ANO4: variants seen among roughly 807,000 people sequenced by gnomAD.
ANO4 encodes anoctamin-4.
A neutral mutation model predicts 141.9 loss-of-function variants in ANO4; 69 were observed. The observed-to-expected ratio is 0.49, with a 90% confidence interval of 0.40 to 0.59. The LOEUF (loss-of-function observed/expected upper bound fraction) is 0.59. Ranked by LOEUF, ANO4 falls within the 20% of genes least tolerant of loss-of-function variation. ANO4 has a pLI of 0.00. For missense variants in ANO4, 894 were observed against 1,162.2 expected (o/e 0.77, Z 3.36); for synonymous variants, 350 against 394.3 (o/e 0.89, Z 1.33).
intron 8 of ANO4, among the ~76,000 whole-genome samples, chr12:100,994,295 GAATT>G (rs986150597): frequency 5.9e-5 from 9 of 152,146 alleles, no homozygotes; most frequent in African/African-American, 1.9e-4. Flanking sequence ...GTCCATTTAA[GAATT>G]AATTTATCTC....
At chr12:100,734,324 G>C (rs1345718900) in intron 2 of ANO4, among the ~76,000 whole-genome samples, 2 of 152,174 alleles carry the variant, frequency 1.3e-5, no homozygotes, top group Non-Finnish European at 2.9e-5. Flanking sequence ...CTTTCTCCTT[G>C]TTATGCTCAC....
At chr12:100,971,429 C>G in intron 6 of ANO4, 23 bp downstream of exon 6, 2 of 1,472,042 alleles carry the variant, frequency 1.4e-6, no homozygotes, top group South Asian at 1.2e-5. Context: ...GTATTTTATT[C>G]CACTCTCTCT....
chr12:100,752,603 T>G (rs1201531863), intron 3 of ANO4, among the ~76,000 whole-genome samples: 1 of 152,172 alleles, frequency 6.6e-6, no homozygotes, highest in East Asian at 1.9e-4. Context: ...CGCAATCTTT[T>G]TTTAATGTGT....
intron 1 of ANO4, among the ~76,000 whole-genome samples, chr12:100,873,041 C>G (rs1474483322): frequency 6.6e-6 from 1 of 152,116 alleles, no homozygotes; most frequent in Non-Finnish European, 1.5e-5. Flanking sequence ...CACATAAGAC[C>G]ATGCCTGCTT....
chr12:100,734,701 AT>A (rs2031531118), intron 2 of ANO4, among the ~76,000 whole-genome samples: 1 of 152,144 alleles, frequency 6.6e-6, no homozygotes, highest in Non-Finnish European at 1.5e-5. Flanking sequence ...TAAATCCTAT[AT>A]ACTCTTAAAC....
rs149796199 is a variant in ANO4, at chr12:100,981,437, GGGAA to G, written c.603-6080_603-6077del. 9.0e-3 allele frequency among the ~76,000 whole-genome samples: 1,351 copies of G among 150,458 alleles called. 22 individuals are homozygous for G. Among genetic ancestry groups the G allele is most frequent in the East Asian group, 0.075 (381 of 5,086 alleles). On this transcript the variant is annotated intron_variant, in intron 7 of 27. Transcript: ENST00000392977. The stretch of plus-strand genomic sequence containing the variant: ...TGTGCTACTGAAAGAAAGAAAAGGA[GGGAA>G]GGAAGGAAGGAAGGAAGGAAGAAAG...
At chr12:100,888,857 T>C (rs1334042075) in intron 1 of ANO4, among the ~76,000 whole-genome samples, 1 of 151,476 alleles carries the variant, frequency 6.6e-6, no homozygotes, top group Non-Finnish European at 1.5e-5. Context: ...TTTTTTTTCT[T>C]TTTATAGGTA....
chr12:100,952,014 C>A (rs1236396066), intron 5 of ANO4, among the ~76,000 whole-genome samples: 1 of 152,012 alleles, frequency 6.6e-6, no homozygotes, highest in African/African-American at 2.4e-5. Flanking sequence ...AGGAATCATC[C>A]CTAGCTGAGA....
chr12:101,107,020 C>T (rs2050476327), intron 22 of ANO4, among the ~76,000 whole-genome samples: 1 of 151,980 alleles, frequency 6.6e-6, no homozygotes, highest in Non-Finnish European at 1.5e-5. Context: ...GATAATGAAA[C>T]TCATTAGGTG....
intron 9 of ANO4, among the ~76,000 whole-genome samples, chr12:101,026,432 A>G (rs1240973147): frequency 6.6e-6 from 1 of 152,218 alleles, no homozygotes; most frequent in Non-Finnish European, 1.5e-5. Context: ...AAGACTCAAT[A>G]TTGTTAAGAG....
At chr12:101,078,503 G>C (rs1016875839) in intron 14 of ANO4, among the ~76,000 whole-genome samples, 3 of 152,166 alleles carry the variant, frequency 2.0e-5, no homozygotes, top group Non-Finnish European at 4.4e-5. Flanking sequence ...TACCTTGGCT[G>C]AATGAAGATA....
chr12:100,942,565 T>C (rs1250710140), intron 5 of ANO4, 30 bp downstream of exon 5: 2 of 1,601,494 alleles, frequency 1.2e-6, no homozygotes, highest in African/African-American at 1.3e-5. Context: ...GAGAAAAAAA[T>C]ATATACATAT....
At chr12:100,717,487 G>C (rs1207395406), upstream of ANO4, 1 of 398,612 alleles carries the variant, frequency 2.5e-6, no homozygotes, top group Admixed American at 4.4e-5. Flanking sequence ...GGCCGCTCTA[G>C]CCGACGCCCT....
intron 1 of ANO4, among the ~76,000 whole-genome samples, chr12:100,832,522 T>G (rs535953539): frequency 6.6e-6 from 1 of 152,222 alleles, no homozygotes; most frequent in Non-Finnish European, 1.5e-5. Flanking sequence ...ACCCATCACC[T>G]CAGGAGTCAT....
chr12:101,078,322 A>AGT (rs1045485641), intron 14 of ANO4, among the ~76,000 whole-genome samples: 3 of 139,716 alleles, frequency 2.1e-5, no homozygotes, highest in South Asian at 2.4e-4. Context: ...TGAGTGAGAG[A>AGT]GTGTGTGTGT....
chr12:100,925,865 A>G (rs1369159758), intron 3 of ANO4, among the ~76,000 whole-genome samples: 1 of 151,086 alleles, frequency 6.6e-6, no homozygotes, highest in Non-Finnish European at 1.5e-5. Context: ...ACATATATAT[A>G]TATATGAGAC....
At chr12:100,934,489 T>C (rs1321173460) in intron 3 of ANO4, among the ~76,000 whole-genome samples, 5 of 151,730 alleles carry the variant, frequency 3.3e-5, no homozygotes, top group Non-Finnish European at 7.4e-5. Flanking sequence ...CATGCTGTTT[T>C]GGTACTTGTA....
chr12:101,126,793 G>T, intron 26 of ANO4, 86 bp from the exon 27 acceptor site: 1 of 1,254,262 alleles, frequency 8.0e-7, no homozygotes, highest in Non-Finnish European at 1.1e-6. Flanking sequence ...ATACCCCAGA[G>T]GGTCCACATC....
At chr12:101,059,602 G>T (rs562276463) in intron 14 of ANO4, among the ~76,000 whole-genome samples, 1 of 152,232 alleles carries the variant, frequency 6.6e-6, no homozygotes, top group Non-Finnish European at 1.5e-5. Flanking sequence ...TCCTGGTTTA[G>T]CCTTGGGAGG....
Sources: gnomAD v4.1 joint callset for allele counts (sites outside exome capture counted in the v4.1 genomes callset) on GRCh38, gnomAD v4.1.1 for gene constraint, MANE v1.5 for transcripts, NCBI Gene and HGNC (gene_info 2026-07-23, HGNC 2026-07-21) for gene names.